The following PTPRG variants were observed in gnomAD, a reference collection of about 807,000 sequenced individuals.
PTPRG encodes receptor-type tyrosine-protein phosphatase gamma.
PTPRG carries 102 observed loss-of-function variants against 165.3 expected under a neutral mutation model. That is an observed-to-expected ratio of 0.62 (90% CI 0.53 to 0.73). The LOEUF (loss-of-function observed/expected upper bound fraction) is 0.73. PTPRG is among the 30% of genes least tolerant of loss of function. The probability of loss-of-function intolerance (pLI) is 0.00; values close to 1 mark genes in which losing one functional copy is unlikely to be tolerated. For missense variants in PTPRG, 1,866 were observed against 1,861.4 expected (o/e 1.00, Z -0.05); for synonymous variants, 675 against 669.5 (o/e 1.01, Z -0.13).
At chr3:61,977,758 G>T (rs2040542733) in intron 2 of PTPRG, among the ~76,000 whole-genome samples, 1 of 152,096 alleles carries the variant, frequency 6.6e-6, no homozygotes, top group Admixed American at 6.6e-5. Context: ...TCCTCTCCCT[G>T]TGTTAATGTT....
rs1412107685 is a variant in PTPRG at position 62,255,196 on chromosome 3, G to T, written c.2540G>T (p.Gly847Val). The T allele has an allele frequency of 2.5e-6, 4 of 1,611,960 alleles. No homozygotes were observed. Among genetic ancestry groups the T allele is most frequent in the Non-Finnish European group, 3.4e-6 (4 of 1,178,948 alleles). Residue 847 changes from glycine (G) to valine (V), a missense_variant, in exon 16 of 30, where the codon GGG becomes GTG. Physicochemically the swap from Gly to Val is moderately radical, Grantham distance 109. Coordinates refer to ENST00000474889, the MANE Select transcript of PTPRG (RefSeq NM_002841.4). This position sits in a 1 kb window ranked among gnomAD's most constrained non-coding sequence, Gnocchi z 4.0. ...IGELYSNNQH[G>V]FSEDFEEVQR... ...GAGCTCTATTCTAATAACCAGCATGGGTTCTCTGAGGATTTTGAGGTATGT... is the reference window on the plus strand; with the variant it reads ...GAGCTCTATTCTAATAACCAGCATGTGTTCTCTGAGGATTTTGAGGTATGT...
At chr3:61,714,322 C>A (rs2031708568) in intron 1 of PTPRG, among the ~76,000 whole-genome samples, 1 of 152,092 alleles carries the variant, frequency 6.6e-6, no homozygotes, top group South Asian at 2.1e-4. Flanking sequence ...CTTCACCCTC[C>A]CTTGTAGTTA....
chr3:61,761,275 T>A lies in PTPRG; in HGVS notation c.190+12293T>A, dbSNP rs954008911. Among the ~76,000 whole-genome samples the A allele has an allele frequency of 8.1e-4, 123 of 152,172 alleles. 2 individuals carry two copies. The highest frequency in any genetic ancestry group is 1.5e-4 in the Non-Finnish European group (10 of 68,032). On this transcript the variant is annotated intron_variant, in intron 2 of 29. Coordinates refer to ENST00000474889, the MANE Select transcript of PTPRG (RefSeq NM_002841.4). Reference sequence around the variant, plus strand: ...TCTCCAGTATCTGTTGTTTCTTGACTTTCTAATCATCATCATTCTGGTCAG... The same window carrying A: ...TCTCCAGTATCTGTTGTTTCTTGACATTCTAATCATCATCATTCTGGTCAG...
At chr3:61,613,695 A>G (rs1018036235) in intron 1 of PTPRG, among the ~76,000 whole-genome samples, 8 of 152,202 alleles carry the variant, frequency 5.3e-5, no homozygotes, top group Non-Finnish European at 1.2e-4. Flanking sequence ...TAAATTGAAG[A>G]TGGTGTAGTC....
chr3:62,135,177 G>A (rs1027618104), intron 6 of PTPRG, among the ~76,000 whole-genome samples: 1 of 151,786 alleles, frequency 6.6e-6, no homozygotes, highest in Non-Finnish European at 1.5e-5. Context: ...GGGAGGCTGA[G>A]GTGGGAGGAT....
intron 4 of PTPRG, among the ~76,000 whole-genome samples, chr3:62,061,677 G>A (rs528768676): frequency 6.5e-4 from 98 of 150,766 alleles, no homozygotes; most frequent in Middle Eastern, 3.4e-3. Context: ...CGCCCAGGCC[G>A]GAGTGTAGTG....
chr3:61,891,524 C>A (rs1022065295), intron 2 of PTPRG, among the ~76,000 whole-genome samples: 2 of 152,234 alleles, frequency 1.3e-5, no homozygotes, highest in East Asian at 3.9e-4. Context: ...CATTCATAGC[C>A]ATTTTTTGGT....
At chr3:61,671,869 G>A (rs1489912502) in intron 1 of PTPRG, among the ~76,000 whole-genome samples, 9 of 137,882 alleles carry the variant, frequency 6.5e-5, no homozygotes, top group South Asian at 2.4e-4. Context: ...CTCACCTCCC[G>A]GACTGGGCGG....
chr3:62,283,030 G>A (rs548784845), intron 28 of PTPRG, among the ~76,000 whole-genome samples, 161 bp downstream of exon 28: 12 of 152,118 alleles, frequency 7.9e-5, no homozygotes, highest in East Asian at 3.9e-4. Flanking sequence ...AAGTGTTGTT[G>A]CTCTGTTTAC....
Position 62,195,065 on chromosome 3 carries a change from G to T in PTPRG, c.1222G>T (p.Ala408Ser). 1 of 1,614,036 alleles carries T rather than the reference G, an allele frequency of 6.2e-7. No homozygotes were observed. Residue 408 changes from alanine (A) to serine (S), a missense_variant, in exon 10 of 30, where the codon GCC (alanine) becomes TCC (serine). Physicochemically the swap from Ala to Ser is moderately conservative, Grantham distance 99 (BLOSUM62 1). Around this residue, in one of 3 missense-constraint regions of PTPRG, gnomAD observed 1,452 missense variants for 1,463.0 expected, o/e 0.99. Coordinates refer to ENST00000474889, the MANE Select transcript of PTPRG (RefSeq NM_002841.4). This position sits in a 1 kb window ranked among gnomAD's most constrained non-coding sequence, Gnocchi z 4.4. ...FTKDSDKDLK[A>S]TISHVSPDSL... is the part of the protein sequence containing the mutation. ...CTTTTTCCTTCTTTACTTACAGAAAGCCACCATTAGCCATGTCTCACCCGA... is the reference window on the plus strand; with the variant it reads ...CTTTTTCCTTCTTTACTTACAGAAATCCACCATTAGCCATGTCTCACCCGA...
intron 1 of PTPRG, among the ~76,000 whole-genome samples, chr3:61,629,676 C>G (rs1239947289): frequency 6.6e-6 from 1 of 152,202 alleles, no homozygotes; most frequent in Non-Finnish European, 1.5e-5. Flanking sequence ...AAGGCACTCT[C>G]TTCCTAAACC....
In PTPRG at chr3:62,273,869, G is replaced by T; in HGVS notation, c.3465+25G>T. On this transcript the variant is annotated intron_variant, in intron 23 of 29. Transcript: ENST00000474889. The surrounding 1 kb of genome is among the most constrained non-coding windows in gnomAD (Gnocchi z 4.1). ...GGTAGTGCTTTGAAAAAGTTTCTTT[G>T]GCATAAAGCAAGAAAATGTTTTAAA... The T allele has an allele frequency of 6.2e-7, 1 of 1,608,314 alleles. No homozygotes were observed. Among genetic ancestry groups the T allele is most frequent in the Non-Finnish European group, 8.5e-7 (1 of 1,176,066 alleles).
intron 2 of PTPRG, among the ~76,000 whole-genome samples, chr3:61,878,338 C>T (rs1040082620): frequency 2.0e-5 from 3 of 152,130 alleles, no homozygotes; most frequent in Non-Finnish European, 4.4e-5. Flanking sequence ...TTTAATTCTT[C>T]TATCTCTTCT....
intron 1 of PTPRG, among the ~76,000 whole-genome samples, chr3:61,671,930 G>GGGGGATCAGCCCCC (rs1703010806): frequency 7.0e-6 from 1 of 143,212 alleles, no homozygotes; most frequent in African/African-American, 2.7e-5. Context: ...GGACGAGGTG[G>GGGGGATCAGCCCCC]CTGCTGGGCG....
intron 1 of PTPRG, among the ~76,000 whole-genome samples, chr3:61,709,171 G>A (rs1461669446): frequency 6.6e-6 from 1 of 152,220 alleles, no homozygotes; most frequent in East Asian, 1.9e-4. Flanking sequence ...GGTAGAGCTT[G>A]CCTACTGGGG....
chr3:61,870,960 C>T (rs2037553640), intron 2 of PTPRG, among the ~76,000 whole-genome samples: 1 of 151,990 alleles, frequency 6.6e-6, no homozygotes, highest in Non-Finnish European at 1.5e-5. Context: ...GATGAATATT[C>T]GAATCAGGGG....
At chr3:61,685,567 G>T (rs556842718) in intron 1 of PTPRG, among the ~76,000 whole-genome samples, 1 of 152,188 alleles carries the variant, frequency 6.6e-6, no homozygotes, top group South Asian at 2.1e-4. Flanking sequence ...CTGACTCCTT[G>T]CAGCCCTTGG....
intron 24 of PTPRG, 111 bp downstream of exon 24, chr3:62,276,077 G>A (rs1280367267): frequency 3.8e-5 from 26 of 690,122 alleles, no homozygotes; most frequent in South Asian, 1.3e-4. Flanking sequence ...TGTACTGTAC[G>A]TGGCCGTATG....
intron 1 of PTPRG, among the ~76,000 whole-genome samples, chr3:61,685,462 A>G (rs1192953162): frequency 6.6e-6 from 1 of 152,240 alleles, no homozygotes; most frequent in Admixed American, 6.5e-5. Flanking sequence ...CTGTAGCAGA[A>G]GTAAAGGGAA....
Sources: gnomAD v4.1 joint callset for allele counts (sites outside exome capture counted in the v4.1 genomes callset) on GRCh38, gnomAD v4.1.1 for gene constraint, gnomAD v4.1.1 regional missense constraint, Gnocchi (gnomAD v3.1) non-coding constraint, MANE v1.5 for transcripts, NCBI Gene and HGNC (gene_info 2026-07-23, HGNC 2026-07-21) for gene names.